Variants in TRMT2B observed in about 807,000 individuals in gnomAD.
TRMT2B encodes the protein tRNA methyltransferase 2B.
A neutral mutation model predicts 39.7 loss-of-function variants in TRMT2B; 34 were observed. The observed-to-expected ratio is 0.86, with a 90% CI of 0.65 to 1.14. TRMT2B has a LOEUF of 1.14. Ranked by LOEUF, TRMT2B falls within the 50% of genes most tolerant of loss-of-function variation. The pLI, the probability that TRMT2B is intolerant of heterozygous loss-of-function variation, is 0.00. For missense variants in TRMT2B, 318 were observed against 377.2 expected (o/e 0.84, Z 1.30); for synonymous variants, 132 against 137.3 (o/e 0.96, Z 0.27).
chrX:101,041,661 G>A (rs762447066), intron 3 of TRMT2B, among the ~76,000 whole-genome samples: 1 of 111,968 alleles, frequency 8.9e-6, no homozygotes, highest in East Asian at 2.8e-4. Context: ...ATAATTTGAT[G>A]TAGAAAATAC....
At chrX:101,000,625 G>A in the TRMT2B span, among the ~76,000 whole-genome samples, 1 of 109,661 alleles carries the variant, frequency 9.1e-6, no homozygotes, top group Non-Finnish European at 1.9e-5. Context: ...GTCTAGAAGA[G>A]TAGCAAGCAG....
At chrX:101,038,162 G>A (rs1420397702) in intron 4 of TRMT2B, 111 bp from the exon 5 acceptor site, 3 of 626,470 alleles carry the variant, frequency 4.8e-6, no homozygotes, top group East Asian at 7.2e-5. Context: ...GAGGTTAGGA[G>A]TTCGAGACCA....
In TRMT2B at chrX:101,011,380, A is replaced by G. The variant is rs1435514488; in HGVS notation, c.1389-673T>C. Among the ~76,000 whole-genome samples the G allele has an allele frequency of 2.7e-5, 3 of 111,683 alleles. No homozygotes were observed. The East Asian group carries it at 8.3e-4, about 31-fold the overall frequency. On this transcript the variant is annotated intron_variant, in intron 13 of 13. Transcript: ENST00000372936. ...ACATTAAAAAGTACTGTAAAAATAT[A>G]GTAGAAAAACTGGTCAACCTGGACA... is the stretch of plus-strand genomic sequence containing the variant.
At chrX:100,996,320 C>T in the TRMT2B span, among the ~76,000 whole-genome samples, 1 of 111,642 alleles carries the variant, frequency 9.0e-6, no homozygotes, top group Non-Finnish European at 1.9e-5. Context: ...TACAAACATA[C>T]AGTTATAATA....
chrX:101,050,581 G>A (rs4827885), intron 2 of TRMT2B, among the ~76,000 whole-genome samples: 9,875 of 110,083 alleles, frequency 0.09, 374 homozygotes, highest in Admixed American at 0.14. Context: ...AAAATTAGCC[G>A]GGTGTGGTGG....
At position 101,038,564 on chromosome X, in the gene TRMT2B, T is replaced by C. The variant is rs1013309261; in HGVS notation, c.304-513A>G. On this transcript the variant is annotated intron_variant, in intron 4 of 13. Coordinates refer to ENST00000372936, the MANE Select transcript of TRMT2B (RefSeq NM_024917.6). Reference sequence around the variant, plus strand: ...AGGAAAGGTCAAGAATGAGCTCTTGTGCAAGCTCATCATTTTATCTGACCT... The same window carrying C: ...AGGAAAGGTCAAGAATGAGCTCTTGCGCAAGCTCATCATTTTATCTGACCT... 3.6e-5 allele frequency among the ~76,000 whole-genome samples: 4 copies of C among 109,653 alleles called. 1 individual carries two copies. The East Asian group carries it at 1.1e-3, about 31-fold the overall frequency.
At chrX:101,041,219 T>A in intron 4 of TRMT2B, 98 bp downstream of exon 4, 1 of 785,695 alleles carries the variant, frequency 1.3e-6, no homozygotes, top group Non-Finnish European at 1.8e-6. Context: ...AACTTAAAAT[T>A]AAAAATAAAT....
At chrX:101,026,242 G>A (rs1308286082) in intron 7 of TRMT2B, among the ~76,000 whole-genome samples, 1 of 110,799 alleles carries the variant, frequency 9.0e-6, no homozygotes, top group Non-Finnish European at 1.9e-5. Context: ...GGAGGCCAAG[G>A]CAGGTAGGTG....
intron 11 of TRMT2B, among the ~76,000 whole-genome samples, chrX:101,020,019 C>A (rs1001232085): frequency 3.6e-5 from 4 of 111,550 alleles, no homozygotes; most frequent in African/African-American, 1.3e-4. Flanking sequence ...CCTGCTATAT[C>A]AGACATTTTC....
chrX:100,990,376 CAG>C, the TRMT2B span: 1 of 930,421 alleles, frequency 1.1e-6, no homozygotes, highest in Non-Finnish European at 1.3e-6. Context: ...AAGAGAAAAA[CAG>C]AGGGAAACCA....
chrX:101,026,266 C>T (rs1403497548), intron 7 of TRMT2B, among the ~76,000 whole-genome samples: 1 of 110,250 alleles, frequency 9.1e-6, no homozygotes, highest in Non-Finnish European at 1.9e-5. Flanking sequence ...CACCTGAGGT[C>T]AGGAGTTTGA....
At chrX:101,020,728 G>T in intron 10 of TRMT2B, 140 bp from the exon 11 acceptor site, 1 of 516,910 alleles carries the variant, frequency 1.9e-6, no homozygotes, top group Non-Finnish European at 3.3e-6. Context: ...GGAGTGCAAT[G>T]GCACAATCAC....
At chrX:101,012,247 C>G (rs1467214896) in intron 13 of TRMT2B, among the ~76,000 whole-genome samples, 3 of 110,305 alleles carry the variant, frequency 2.7e-5, no homozygotes, top group African/African-American at 9.9e-5. Context: ...TGTAAGTAAC[C>G]CATGTGCTGA....
At chrX:101,008,487 T>A (rs1185509321), downstream of TRMT2B, among the ~76,000 whole-genome samples, 1 of 110,874 alleles carries the variant, frequency 9.0e-6, no homozygotes, top group Non-Finnish European at 1.9e-5. Context: ...CTGGGTGTGG[T>A]GGCAGGCGCC....
At chrX:100,978,589 G>C in the TRMT2B span, among the ~76,000 whole-genome samples, 3 of 110,047 alleles carry the variant, frequency 2.7e-5, no homozygotes, top group African/African-American at 9.9e-5. Flanking sequence ...TGTCTTTATA[G>C]ATGAAGTGTG....
At chrX:101,012,457 T>A (rs2086298144) in intron 13 of TRMT2B, among the ~76,000 whole-genome samples, 2 of 104,559 alleles carry the variant, frequency 1.9e-5, no homozygotes, top group Admixed American at 2.1e-4. Flanking sequence ...TATCTCCCAA[T>A]GCTATCCCTC....
intron 11 of TRMT2B, 89 bp downstream of exon 11, chrX:101,020,398 T>C (rs377261093): frequency 9.3e-6 from 7 of 755,919 alleles, no homozygotes; most frequent in East Asian, 6.4e-5. Context: ...GGGTCAGGGA[T>C]ACAGTAGTTG....
chrX:100,984,061 C>A, the TRMT2B span, among the ~76,000 whole-genome samples: 1 of 110,159 alleles, frequency 9.1e-6, no homozygotes, highest in Non-Finnish European at 1.9e-5. Context: ...GTTCAACAGA[C>A]TGGAACGCAT....
intron 2 of TRMT2B, among the ~76,000 whole-genome samples, chrX:101,047,932 T>C (rs1179955332): frequency 2.7e-5 from 3 of 110,184 alleles, no homozygotes; most frequent in African/African-American, 9.9e-5. Context: ...GCTGGAATTA[T>C]AGGCATGAGC....
Sources: allele counts gnomAD v4.1 joint callset (sites outside exome capture counted in the v4.1 genomes callset), GRCh38; gene constraint gnomAD v4.1.1; transcripts MANE v1.5; gene names NCBI Gene and HGNC (gene_info 2026-07-23, HGNC 2026-07-21).